The following MAP3K13 variants were observed in gnomAD, a reference collection of about 807,000 sequenced individuals.
MAP3K13 encodes leucine zipper-bearing kinase.
MAP3K13 carries 52 observed loss-of-function variants against 104.0 expected under a neutral mutation model. The observed-to-expected ratio is 0.50, with a 90% CI of 0.40 to 0.63. The LOEUF (loss-of-function observed/expected upper bound fraction) is 0.63, where lower values mean the gene tolerates loss of function less well. Among genes scored for constraint, MAP3K13 ranks in the 20% least tolerant of loss-of-function variants. MAP3K13 has a pLI of 0.00. For synonymous variants in MAP3K13, 394 were observed against 442.2 expected (o/e 0.89, Z 1.37); for missense variants, 914 against 1,218.5 (o/e 0.75, Z 3.72).
chr3:185,285,927 A>G (rs1720491929), intron 2 of MAP3K13, among the ~76,000 whole-genome samples: 1 of 152,120 alleles, frequency 6.6e-6, no homozygotes, highest in African/African-American at 2.4e-5. Context: ...AACACTTTAC[A>G]TCCGGGTAGA....
Position 185,477,322 on chromosome 3 carries a change from T to G in MAP3K13, c.2431-4T>G. 6.3e-7 allele frequency: 1 copy of G among 1,589,100 alleles called. No individual in the cohort carries two copies. Among genetic ancestry groups the G allele is most frequent in the South Asian group, 1.1e-5 (1 of 90,576 alleles). ...ATAAAACTCTTAATCCTTGTTCTCC[T>G]CAGAGTGGAGATGACTCCTCAGAAG... is the stretch of plus-strand genomic sequence containing the variant. On this transcript the variant is annotated splice_region_variant and splice_polypyrimidine_tract_variant and intron_variant, in intron 11 of 13. Transcript: ENST00000265026.
chr3:185,345,873 A>G (rs1183288067), intron 2 of MAP3K13, among the ~76,000 whole-genome samples: 1 of 144,346 alleles, frequency 6.9e-6, no homozygotes, highest in Non-Finnish European at 1.5e-5. Flanking sequence ...AATTCTCTTC[A>G]TGAAACCGGT....
chr3:185,430,150 C>T (rs139868471), intron 2 of MAP3K13, among the ~76,000 whole-genome samples: 6 of 151,936 alleles, frequency 3.9e-5, no homozygotes, highest in African/African-American at 1.2e-4. Flanking sequence ...GAGCCAAGAT[C>T]GTGCCACTGC....
intron 1 of MAP3K13, among the ~76,000 whole-genome samples, chr3:185,284,304 C>T (rs528295663): frequency 2.6e-5 from 4 of 152,242 alleles, no homozygotes; most frequent in East Asian, 3.9e-4. Flanking sequence ...CCAGAGATTA[C>T]AGCTGGTGTT....
intron 1 of MAP3K13, among the ~76,000 whole-genome samples, chr3:185,374,597 C>A (rs961704405): frequency 6.6e-6 from 1 of 151,556 alleles, no homozygotes; most frequent in Non-Finnish European, 1.5e-5. Flanking sequence ...CCAGGACATC[C>A]AATTAGAGTG....
At chr3:185,390,805 G>C (rs879333602) in intron 1 of MAP3K13, among the ~76,000 whole-genome samples, 14 of 17,724 alleles carry the variant, frequency 7.9e-4, no homozygotes, top group African/African-American at 5.6e-3. Context: ...TGTATTTTTG[G>C]TAGAGATGGG....
chr3:185,308,521 T>C (rs1238317070), intron 2 of MAP3K13, among the ~76,000 whole-genome samples: 1 of 57,422 alleles, frequency 1.7e-5, no homozygotes, highest in Non-Finnish European at 4.9e-5. Flanking sequence ...AGAAAGGCCA[T>C]GAGTTGGGCA....
chr3:185,359,444 ATGT>A, upstream of MAP3K13, among the ~76,000 whole-genome samples: 1 of 152,278 alleles, frequency 6.6e-6, no homozygotes, highest in African/African-American at 2.4e-5. Context: ...CAAAATAAAG[ATGT>A]TGTATTAGTT....
rs1560120460 is a variant in MAP3K13, at chr3:185,455,705, GATATATATGAGATATATATGAT to G, written c.1278+4330_1278+4351del. On this transcript the variant is annotated intron_variant, in intron 7 of 13. Transcript: ENST00000265026. Reference sequence around the variant, plus strand: ...AGATATATATATGATATATATATGAGATATATATGAGATATATATGATATATATATGAGATATATATATGATA... The same window carrying G: ...AGATATATATATGATATATATATGAGATATATATGAGATATATATATGATA... Among the ~76,000 whole-genome samples, 42 of 10,592 alleles carry G rather than the reference GATATATATGAGATATATATGAT, an allele frequency of 4.0e-3. 1 individual carries two copies. The highest frequency in any genetic ancestry group is 5.1e-3 in the Non-Finnish European group (21 of 4,096). 6.9% of individuals were successfully genotyped at this position (10,592 alleles called of 152,430 possible). A position where few individuals can be genotyped will look rare whatever the true frequency, so the allele number is the denominator to read the frequency against.
rs1357318058 is a variant in MAP3K13, at chr3:185,484,422, G to A, written c.*1966G>A. ...TCAAACAACCTCTCTAGATTCACTG[G>A]ACTCTTTGACACTGCATCATGTTGG... is the stretch of plus-strand genomic sequence containing the variant. On this transcript the variant is annotated 3_prime_UTR_variant, in exon 14 of 14. Coordinates refer to ENST00000265026, the MANE Select transcript of MAP3K13 (RefSeq NM_004721.5). 2.0e-5 allele frequency: 3 copies of A among 152,138 alleles called. No homozygotes were observed. The highest frequency in any genetic ancestry group is 4.4e-5 in the Non-Finnish European group (3 of 68,034). 9.4% of individuals were successfully genotyped at this position (152,138 alleles called of 1,614,324 possible). A position where few individuals can be genotyped will look rare whatever the true frequency, so the allele number is the denominator to read the frequency against.
intron 7 of MAP3K13, among the ~76,000 whole-genome samples, chr3:185,461,569 A>AT (rs1279201080): frequency 6.6e-6 from 1 of 151,296 alleles, no homozygotes; most frequent in Non-Finnish European, 1.5e-5. Context: ...TATTTTTTTA[A>AT]TTTTTTTTCT....
chr3:185,301,808 A>C (rs1245057623), intron 2 of MAP3K13, among the ~76,000 whole-genome samples: 1 of 152,114 alleles, frequency 6.6e-6, no homozygotes, highest in Non-Finnish European at 1.5e-5. Context: ...TTTTGGGGCT[A>C]TTCTGTTCCA....
intron 1 of MAP3K13, among the ~76,000 whole-genome samples, chr3:185,367,983 C>T (rs1211297743): frequency 6.6e-6 from 1 of 151,916 alleles, no homozygotes; most frequent in Non-Finnish European, 1.5e-5. Flanking sequence ...ATGGCAAAAC[C>T]CTGGGTCTAC....
intron 1 of MAP3K13, among the ~76,000 whole-genome samples, chr3:185,284,153 A>C (rs952187133): frequency 7.9e-5 from 12 of 151,198 alleles, no homozygotes; most frequent in Non-Finnish European, 1.5e-4. Context: ...CCTTTTTCTT[A>C]ATGTTTTCTT....
intron 2 of MAP3K13, among the ~76,000 whole-genome samples, chr3:185,290,366 A>G (rs1039260361): frequency 6.6e-5 from 10 of 152,214 alleles, no homozygotes; most frequent in Non-Finnish European, 1.5e-4. Context: ...TTCATTTTTA[A>G]ACTGCTTTGA....
chr3:185,381,635 G>C (rs114434814), intron 1 of MAP3K13, among the ~76,000 whole-genome samples: 193 of 152,288 alleles, frequency 1.3e-3, no homozygotes, highest in African/African-American at 4.4e-3. Flanking sequence ...TGATTTCACT[G>C]TTTAAAATGG....
chr3:185,290,478 C>T (rs796443772), intron 2 of MAP3K13, among the ~76,000 whole-genome samples: 1 of 152,094 alleles, frequency 6.6e-6, no homozygotes, highest in South Asian at 2.1e-4. Flanking sequence ...CTAATCATAA[C>T]ATGAAGTGAA....
chr3:185,457,818 T>G (rs575570562), intron 7 of MAP3K13, among the ~76,000 whole-genome samples: 2 of 152,306 alleles, frequency 1.3e-5, no homozygotes, highest in African/African-American at 4.8e-5. Flanking sequence ...GATCTGAAAG[T>G]GAGACTACCT....
At chr3:185,477,468 C>T in intron 12 of MAP3K13, 72 bp downstream of exon 12, 2 of 1,093,530 alleles carry the variant, frequency 1.8e-6, no homozygotes, top group Non-Finnish European at 2.8e-6. Context: ...GCCACACCTG[C>T]TCTTCAACCA....
Sources: allele counts gnomAD v4.1 joint callset (sites outside exome capture counted in the v4.1 genomes callset), GRCh38; gene constraint gnomAD v4.1.1; transcripts MANE v1.5; gene names NCBI Gene and HGNC (gene_info 2026-07-23, HGNC 2026-07-21).